Variants in PLXNA4 observed in about 807,000 individuals in gnomAD.
PLXNA4 encodes plexin-A4.
In PLXNA4, 44 loss-of-function variants were observed where a neutral mutation model predicts 191.8. That is an observed-to-expected ratio of 0.23 (90% CI 0.18 to 0.29). The LOEUF is 0.29. PLXNA4 is among the 10% of genes least tolerant of loss of function. The pLI is 1.00. For missense variants in PLXNA4, 1,800 were observed against 2,488.8 expected (o/e 0.72, Z 5.89); for synonymous variants, 1,082 against 1,009.5 (o/e 1.07, Z -1.36).
chr7:132,526,741 G>A (rs1383658355), intron 1 of PLXNA4, among the ~76,000 whole-genome samples: 1 of 152,206 alleles, frequency 6.6e-6, no homozygotes, highest in Admixed American at 6.5e-5. Context: ...CATTTATGGT[G>A]GCAGTCATCC....
chr7:132,299,938 C>T (rs1215856111), intron 3 of PLXNA4, among the ~76,000 whole-genome samples: 1 of 152,140 alleles, frequency 6.6e-6, no homozygotes, highest in Non-Finnish European at 1.5e-5. Context: ...GCAGCCCTCT[C>T]CTAACAAGGA....
At chr7:132,202,955 T>TG in intron 11 of PLXNA4, 119 bp from the exon 12 acceptor site, 2 of 1,108,992 alleles carry the variant, frequency 1.8e-6, no homozygotes, top group Non-Finnish European at 2.5e-6. Context: ...AAAGGCAGTT[T>TG]TGCCCCCTTA....
intron 3 of PLXNA4, among the ~76,000 whole-genome samples, chr7:132,329,844 T>C (rs1429395093): frequency 6.6e-6 from 1 of 152,168 alleles, no homozygotes; most frequent in Non-Finnish European, 1.5e-5. Flanking sequence ...GACCTAGGCC[T>C]GGTCATTCTG....
intron 2 of PLXNA4, among the ~76,000 whole-genome samples, chr7:132,583,498 G>A (rs1442818479): frequency 1.3e-5 from 2 of 152,350 alleles, no homozygotes; most frequent in East Asian, 3.9e-4. Flanking sequence ...GAGCCTGCAA[G>A]CTATCAGCAG....
At chr7:132,359,678 C>A (rs6957259) in intron 3 of PLXNA4, among the ~76,000 whole-genome samples, 2 of 152,316 alleles carry the variant, frequency 1.3e-5, no homozygotes, top group East Asian at 3.9e-4. Context: ...AAGACTCACA[C>A]ATCTCAATGT....
intron 3 of PLXNA4, among the ~76,000 whole-genome samples, chr7:132,372,121 A>T (rs1804465656): frequency 6.6e-6 from 1 of 152,192 alleles, no homozygotes; most frequent in Non-Finnish European, 1.5e-5. Flanking sequence ...GGCACATGAG[A>T]ATGCTTTGGG....
chr7:132,550,368 C>T (rs1467739315), intron 1 of PLXNA4, among the ~76,000 whole-genome samples: 2 of 152,160 alleles, frequency 1.3e-5, no homozygotes, highest in African/African-American at 4.8e-5. Flanking sequence ...TCCTTTATTA[C>T]CCTTGATCCA....
intron 3 of PLXNA4, among the ~76,000 whole-genome samples, chr7:132,438,438 A>T (rs1795557777): frequency 6.6e-6 from 1 of 152,210 alleles, no homozygotes; most frequent in South Asian, 2.1e-4. Context: ...AAAATAGGGT[A>T]GGTAGATACA....
intron 2 of PLXNA4, among the ~76,000 whole-genome samples, chr7:132,497,319 C>A (rs1456319031): frequency 6.6e-6 from 1 of 152,190 alleles, no homozygotes; most frequent in Non-Finnish European, 1.5e-5. Context: ...ATAATGATCA[C>A]CCACTTATTG....
intron 1 of PLXNA4, among the ~76,000 whole-genome samples, chr7:132,517,196 C>A (rs1348733404): frequency 6.6e-6 from 1 of 152,214 alleles, no homozygotes; most frequent in East Asian, 1.9e-4. Flanking sequence ...CGTGAGGCTG[C>A]TGGTATGAAG....
intron 8 of PLXNA4, among the ~76,000 whole-genome samples, chr7:132,224,320 C>A (rs1798243776): frequency 6.6e-6 from 1 of 152,158 alleles, no homozygotes; most frequent in Admixed American, 6.5e-5. Flanking sequence ...CAAGCCATTC[C>A]TCCCTCCAGA....
intron 2 of PLXNA4, among the ~76,000 whole-genome samples, chr7:132,613,628 A>G (rs896318751): frequency 6.6e-6 from 1 of 152,142 alleles, no homozygotes; most frequent in Non-Finnish European, 1.5e-5. Context: ...TGATGGAGAA[A>G]ACTGGAACAC....
intron 3 of PLXNA4, among the ~76,000 whole-genome samples, chr7:132,307,164 C>T: frequency 6.6e-6 from 1 of 152,120 alleles, no homozygotes; most frequent in Admixed American, 6.5e-5. Context: ...CAACCCCACA[C>T]CAAGGGCATC....
chr7:132,393,442 AG>A (rs1202160390), intron 3 of PLXNA4, among the ~76,000 whole-genome samples: 1 of 152,166 alleles, frequency 6.6e-6, no homozygotes, highest in Non-Finnish European at 1.5e-5. Flanking sequence ...AAGAGCAAAC[AG>A]CCCCACATAT....
In PLXNA4 at chr7:132,508,173, A is replaced by G; in HGVS notation, c.521T>C (p.Val174Ala). The part of the protein sequence containing the change: ...NESGSVFGVI[V>A]SYSNLDDKLF... Reference sequence around the variant, plus strand: ...CTTGTCATCCAGGTTGCTGTAGGAGACGATCACTCCAAAGACTGAGCCGCT... The same window carrying G: ...CTTGTCATCCAGGTTGCTGTAGGAGGCGATCACTCCAAAGACTGAGCCGCT... The change falls in exon 2 of 32, where the codon GTC becomes GCC. Residue 174 changes from valine (V) to alanine (A), a missense_variant. Val to Ala is a moderately conservative substitution (Grantham distance 64). Coordinates refer to ENST00000321063, the MANE Select transcript of PLXNA4 (RefSeq NM_020911.2). The surrounding 1 kb of genome is among the most constrained non-coding windows in gnomAD (Gnocchi z 4.4). 1.9e-6 allele frequency: 3 copies of G among 1,614,130 alleles called. No individual in the cohort carries two copies. The highest frequency in any genetic ancestry group is 2.5e-6 in the Non-Finnish European group (3 of 1,180,010).
chr7:132,140,448 T>C (rs991490843), intron 30 of PLXNA4, 151 bp downstream of exon 30: 1 of 1,171,172 alleles, frequency 8.5e-7, no homozygotes, highest in Non-Finnish European at 1.2e-6. Flanking sequence ...CACTGGGACT[T>C]GGGGGTGTGG....
intron 4 of PLXNA4, among the ~76,000 whole-genome samples, chr7:132,244,705 A>T (rs915456628): frequency 3.3e-5 from 5 of 152,200 alleles, no homozygotes; most frequent in Admixed American, 2.6e-4. Context: ...AGTCTCCAGC[A>T]TGGCCAAGGC....
At chr7:132,462,617 T>G (rs156946) in intron 3 of PLXNA4, among the ~76,000 whole-genome samples, 87,359 of 151,794 alleles carry the variant, frequency 0.58, 30,669 homozygotes, top group Non-Finnish European at 0.79. Flanking sequence ...TAATTATTAT[T>G]ATTTTGTACA....
chr7:132,605,989 C>T (rs1326827463), intron 2 of PLXNA4, among the ~76,000 whole-genome samples: 1 of 152,076 alleles, frequency 6.6e-6, no homozygotes, highest in Non-Finnish European at 1.5e-5. Context: ...CATGGTGAAA[C>T]CCCGCCTCTA....
Sources: allele counts gnomAD v4.1 joint callset (sites outside exome capture counted in the v4.1 genomes callset), GRCh38; gene constraint gnomAD v4.1.1; non-coding constraint Gnocchi (gnomAD v3.1); transcripts MANE v1.5; gene names NCBI Gene and HGNC (gene_info 2026-07-23, HGNC 2026-07-21).